Variants in SYNRG observed in about 807,000 individuals in gnomAD.
SYNRG encodes AP1 gamma subunit binding protein 1.
In SYNRG, 37 loss-of-function variants were observed where a neutral mutation model predicts 130.9. The ratio of observed to expected loss-of-function variants is 0.28; its 90% CI spans 0.22 to 0.37. The LOEUF is 0.37. Among genes scored for constraint, SYNRG ranks in the 10% least tolerant of loss-of-function variants. The pLI, the probability that SYNRG is intolerant of heterozygous loss-of-function variation, is 1.00. For synonymous variants in SYNRG, 539 were observed against 568.1 expected, an observed-to-expected ratio of 0.95 and a Z score of 0.73; for missense variants, 1,338 against 1,588.9, an observed-to-expected ratio of 0.84 and a Z score of 2.68.
At chr17:37,565,563 G>T (rs972884586) in intron 11 of SYNRG, among the ~76,000 whole-genome samples, 1 of 150,890 alleles carries the variant, frequency 6.6e-6, no homozygotes, top group African/African-American at 2.4e-5. Context: ...AGTGAGGAGC[G>T]TCTCCGCCCG....
At chr17:37,525,159 TATAAG>T in intron 19 of SYNRG, among the ~76,000 whole-genome samples, 1 of 152,344 alleles carries the variant, frequency 6.6e-6, no homozygotes, top group Non-Finnish European at 1.5e-5. Context: ...GCACCAATCA[TATAAG>T]ATAACAGTTT....
chr17:37,565,482 G>A (rs568536854), intron 11 of SYNRG, among the ~76,000 whole-genome samples: 2,345 of 152,086 alleles, frequency 0.015, 22 homozygotes, highest in Non-Finnish European at 0.024. Context: ...TGGGAAGTGA[G>A]GAGCGTCTCT....
intron 13 of SYNRG, among the ~76,000 whole-genome samples, chr17:37,555,346 T>A (rs2145446538): frequency 6.6e-6 from 1 of 152,296 alleles, no homozygotes; most frequent in East Asian, 1.9e-4. Context: ...AGGCTGGTTT[T>A]GAACTCCTGA....
At chr17:37,573,623 T>C (rs187138201) in intron 8 of SYNRG, among the ~76,000 whole-genome samples, 22 of 152,330 alleles carry the variant, frequency 1.4e-4, no homozygotes, top group Non-Finnish European at 2.6e-4. Context: ...AGAAAAGCCA[T>C]TATTTTAAAG....
chr17:37,526,249 G>C (rs1473293982), intron 19 of SYNRG, among the ~76,000 whole-genome samples: 1 of 152,220 alleles, frequency 6.6e-6, no homozygotes, highest in East Asian at 1.9e-4. Context: ...TGGAGGCTCT[G>C]TCAACCTGGG....
At chr17:37,546,436 G>A (rs1044785206) in intron 14 of SYNRG, among the ~76,000 whole-genome samples, 7 of 152,118 alleles carry the variant, frequency 4.6e-5, no homozygotes, top group Admixed American at 2.6e-4. Flanking sequence ...TTGCAATCAG[G>A]GATGTCCTAT....
chr17:37,577,421 G>C lies in SYNRG; in HGVS notation c.782C>G (p.Ala261Gly). 1.2e-6 allele frequency: 2 copies of C among 1,614,176 alleles called. No homozygotes were observed. Among genetic ancestry groups the C allele is most frequent in the Non-Finnish European group, 1.7e-6 (2 of 1,180,044 alleles). ...GCVSGTTTAE[A>G]ENTSDQNLSI... Reference sequence around the variant, plus strand: ...CAGGTTTTGATCTGAAGTATTTTCTGCCTCTGCAGTGGTGGTACCACTTAC... The same window carrying C: ...CAGGTTTTGATCTGAAGTATTTTCTCCCTCTGCAGTGGTGGTACCACTTAC... Residue 261 changes from alanine to glycine, a missense_variant, in exon 7 of 22, where the codon GCA becomes GGA. By Grantham distance (60) the Ala-to-Gly change is moderately conservative. Around this residue, in one of 3 missense-constraint regions of SYNRG, gnomAD observed 1,146 missense variants for 1,342.3 expected, o/e 0.85. Coordinates refer to ENST00000612223, the MANE Select transcript of SYNRG (RefSeq NM_007247.6).
At chr17:37,565,256 C>G (rs1335158220) in intron 11 of SYNRG, among the ~76,000 whole-genome samples, 1 of 146,654 alleles carries the variant, frequency 6.8e-6, no homozygotes, top group East Asian at 2.4e-4. Flanking sequence ...GAGCAAGACT[C>G]CGTCTTAAAA....
chr17:37,550,244 G>C (rs1037942972), intron 14 of SYNRG, among the ~76,000 whole-genome samples: 1 of 152,144 alleles, frequency 6.6e-6, no homozygotes, highest in African/African-American at 2.4e-5. Flanking sequence ...ATCATGTAAA[G>C]TAGTGTAAGG....
In SYNRG at chr17:37,593,602, C is replaced by T. The variant is rs72830426; in HGVS notation, c.240+2621G>A. On this transcript the variant is annotated intron_variant, in intron 3 of 21. Coordinates refer to ENST00000612223, the MANE Select transcript of SYNRG (RefSeq NM_007247.6). ...TTTCTCCTTAAAAAATGGTGAGTGG[C>T]GGACAGGTGTGGTGGCTCATGCCTA... 6.9e-3 allele frequency among the ~76,000 whole-genome samples: 1,055 copies of T among 151,868 alleles called. 5 individuals are homozygous for T. The highest frequency in any genetic ancestry group is 0.017 in the Middle Eastern group (5 of 294).
intron 6 of SYNRG, among the ~76,000 whole-genome samples, chr17:37,582,710 A>C (rs1420687005): frequency 1.3e-5 from 2 of 151,978 alleles, no homozygotes; most frequent in Non-Finnish European, 2.9e-5. Context: ...AAAATACAAA[A>C]ATTAGCTAGG....
At position 37,553,069 on chromosome 17, in the gene SYNRG, T is replaced by C. The variant is rs78515247; in HGVS notation, c.2608+46A>G. On this transcript the variant is annotated intron_variant, in intron 14 of 21. Coordinates refer to ENST00000612223, the MANE Select transcript of SYNRG (RefSeq NM_007247.6). ...AAATCAACACCCGCAGAATCATCTT[T>C]GAAATCTACAACACCATCACCAGAG... 6,499 of 1,564,548 alleles carry C rather than the reference T, an allele frequency of 4.2e-3. 64 individuals carry two copies. The highest frequency in any genetic ancestry group is 0.026 in the East Asian group (1,171 of 44,724).
chr17:37,541,346 G>A, intron 15 of SYNRG: 1 of 707,516 alleles, frequency 1.4e-6, no homozygotes, highest in Non-Finnish European at 1.7e-6. Flanking sequence ...TAGGTCCGCT[G>A]AGACAGGAAG....
At chr17:37,537,893 G>A (rs2057362858) in intron 18 of SYNRG, among the ~76,000 whole-genome samples, 1 of 152,150 alleles carries the variant, frequency 6.6e-6, no homozygotes, top group Admixed American at 6.5e-5. Context: ...CACCGAAGTG[G>A]ACAGAGACTA....
intron 10 of SYNRG, 84 bp from the exon 11 acceptor site, chr17:37,569,008 G>A (rs777352121): frequency 2.4e-5 from 35 of 1,471,968 alleles, no homozygotes; most frequent in Non-Finnish European, 3.1e-5. Flanking sequence ...CTCAAAGACT[G>A]CCTTTAAAAT....
intron 6 of SYNRG, among the ~76,000 whole-genome samples, chr17:37,580,918 C>T (rs1490559762): frequency 2.6e-5 from 4 of 152,158 alleles, no homozygotes; most frequent in Admixed American, 2.6e-4. Context: ...GATCCACCCA[C>T]CTTGGCCTCC....
In SYNRG at chr17:37,536,090, C is replaced by G. The variant is rs201769406; in HGVS notation, c.3555G>C (p.Glu1185Asp). Residue 1185 changes from glutamate to aspartate, a missense_variant, in exon 19 of 22, where the codon GAG (glutamate) becomes GAC (aspartate). Physicochemically the swap from Glu to Asp is conservative, Grantham distance 45. Around this residue, in one of 3 missense-constraint regions of SYNRG, gnomAD observed 1,146 missense variants for 1,342.3 expected, o/e 0.85. Transcript: ENST00000612223. Reference protein sequence around the residue: ...VEVYRVTKRVELGIKATAVCS... With the variant: ...VEVYRVTKRVDLGIKATAVCS... ...ACACTGCAGTGGCTTTTATCCCCAG[C>G]TCCACACGCTTGGTTACCCTGTACA... 35 of 1,614,014 alleles carry G rather than the reference C, an allele frequency of 2.2e-5. No individual in the cohort carries two copies. The Middle Eastern group carries it at 5.0e-4, about 23-fold the overall frequency.
intron 6 of SYNRG, among the ~76,000 whole-genome samples, chr17:37,578,726 T>C (rs866619149): frequency 3.9e-5 from 6 of 152,202 alleles, no homozygotes; most frequent in South Asian, 4.1e-4. Flanking sequence ...CAAGGACAAA[T>C]TGACAGTAAA....
intron 3 of SYNRG, among the ~76,000 whole-genome samples, chr17:37,591,448 T>C (rs2062181537): frequency 6.6e-6 from 1 of 152,200 alleles, no homozygotes; most frequent in African/African-American, 2.4e-5. Context: ...AGCAAGAGTT[T>C]TTCCAAAGAT....
Sources: gnomAD v4.1 joint callset for allele counts (sites outside exome capture counted in the v4.1 genomes callset) on GRCh38, gnomAD v4.1.1 for gene constraint, gnomAD v4.1.1 regional missense constraint, MANE v1.5 for transcripts, NCBI Gene and HGNC (gene_info 2026-07-23, HGNC 2026-07-21) for gene names.